The following ISCA1 variants were observed in gnomAD, a reference collection of about 807,000 sequenced individuals.
ISCA1 encodes the protein iron-sulfur cluster assembly 1, also known as iron-sulfur cluster assembly 1 homolog, mitochondrial.
A neutral mutation model predicts 14.7 loss-of-function variants in ISCA1; 9 were observed. That is an observed-to-expected ratio of 0.61 (90% CI 0.37 to 1.07). The LOEUF (loss-of-function observed/expected upper bound fraction) is 1.07. ISCA1 is among the 50% of genes least tolerant of loss of function. The probability of loss-of-function intolerance (pLI) is 0.01; values close to 1 mark genes in which losing one functional copy is unlikely to be tolerated. For missense variants in ISCA1, 102 were observed against 150.1 expected, an observed-to-expected ratio of 0.68 and a Z score of 1.67; for synonymous variants, 38 against 54.3, an observed-to-expected ratio of 0.70 and a Z score of 1.32.
rs145609430 is a variant in ISCA1 at position 86,274,788 on chromosome 9, C to A, written c.82-546G>T. Among the ~76,000 whole-genome samples the A allele has an allele frequency of 5.3e-4, 80 of 152,220 alleles. 1 individual carries two copies. The East Asian group carries it at 0.013, about 26-fold the overall frequency. On this transcript the variant is annotated intron_variant, in intron 1 of 3. Transcript: ENST00000375991. ...CCCAGGGTGTGCTTCTTGCACCAGT[C>A]CCACCAAATGCTCACATAGATTTTT...
chr9:86,267,524 A>G, intron 3 of ISCA1: 1 of 974,004 alleles, frequency 1.0e-6, no homozygotes, highest in Non-Finnish European at 1.2e-6. Context: ...TATTTTAGAT[A>G]GGTTTTAACA....
intron 2 of ISCA1, among the ~76,000 whole-genome samples, chr9:86,273,137 A>G (rs1025754560): frequency 1.3e-5 from 2 of 152,260 alleles, no homozygotes; most frequent in East Asian, 3.8e-4. Context: ...TTGAAATTTA[A>G]TAATTTTAAA....
intron 3 of ISCA1, among the ~76,000 whole-genome samples, chr9:86,269,439 A>C (rs1008807866): frequency 6.6e-6 from 1 of 152,128 alleles, no homozygotes; most frequent in Non-Finnish European, 1.5e-5. Context: ...TGAAATAAAA[A>C]AGGATACAAA....
At chr9:86,276,863 T>G (rs1825443716) in intron 1 of ISCA1, among the ~76,000 whole-genome samples, 1 of 104,766 alleles carries the variant, frequency 9.5e-6, no homozygotes, top group African/African-American at 4.3e-5. Context: ...AGAGTGAGAC[T>G]CTGTCTCAAA....
chr9:86,272,231 ACAGGG>A, intron 2 of ISCA1, 119 bp from the exon 3 acceptor site: 1 of 693,344 alleles, frequency 1.4e-6, no homozygotes, highest in South Asian at 1.6e-5. Context: ...TTTTTGTAGG[ACAGGG>A]TCTCACTATG....
chr9:86,272,155 C>T (rs768789590), intron 2 of ISCA1, 43 bp from the exon 3 acceptor site: 21 of 1,141,632 alleles, frequency 1.8e-5, no homozygotes, highest in Non-Finnish European at 2.5e-5. Flanking sequence ...TAAAGTAGTA[C>T]AGATTAAACA....
chr9:86,272,216 C>G (rs963900503), intron 2 of ISCA1, 104 bp from the exon 3 acceptor site: 1 of 748,398 alleles, frequency 1.3e-6, no homozygotes. Flanking sequence ...TGGACTTTCT[C>G]TTATTTTTTG....
chr9:86,275,754 G>T (rs1825433364), intron 1 of ISCA1, among the ~76,000 whole-genome samples: 1 of 152,190 alleles, frequency 6.6e-6, no homozygotes. Flanking sequence ...CCATGGTTCT[G>T]TCAGAAAAGG....
intron 3 of ISCA1, among the ~76,000 whole-genome samples, chr9:86,271,393 T>C (rs1459475406): frequency 6.6e-6 from 1 of 152,212 alleles, no homozygotes; most frequent in African/African-American, 2.4e-5. Context: ...TCAGAATGTA[T>C]CTCCAATGTT....
intron 3 of ISCA1, among the ~76,000 whole-genome samples, chr9:86,269,760 C>A (rs534976712): frequency 6.5e-4 from 99 of 151,244 alleles, no homozygotes; most frequent in South Asian, 5.0e-3. Flanking sequence ...ATCAATGGAA[C>A]AGAACAGAGC....
chr9:86,271,221 G>A (rs910942457), intron 3 of ISCA1, among the ~76,000 whole-genome samples: 2 of 152,124 alleles, frequency 1.3e-5, no homozygotes, highest in Non-Finnish European at 2.9e-5. Flanking sequence ...CAGGTTTGTA[G>A]CCTAGGAGCA....
intron 2 of ISCA1, 86 bp from the exon 3 acceptor site, chr9:86,272,198 T>C: frequency 1.2e-6 from 1 of 816,200 alleles, no homozygotes; most frequent in Non-Finnish European, 2.1e-6. Context: ...AGCCTCCTCG[T>C]ACCAAAATGG....
intron 3 of ISCA1, chr9:86,267,578 T>C: frequency 1.1e-6 from 1 of 880,500 alleles, no homozygotes. Context: ...TATAATTAAT[T>C]TTAATTATAA....
chr9:86,278,635 A>C (rs1266630246), intron 1 of ISCA1, among the ~76,000 whole-genome samples: 1 of 152,238 alleles, frequency 6.6e-6, no homozygotes. Context: ...ATGCCACTGC[A>C]TATGAGCCTG....
Position 86,282,478 on chromosome 9 carries a change from C to G in ISCA1, c.-20G>C, listed in dbSNP as rs779947873. ...CGACATCTTCGCCGTCCCGGCGCCC[C>G]GGTGCCTCGGGCCGAAGGTCGGCCG... On this transcript the variant is annotated 5_prime_UTR_variant, in exon 1 of 4. Transcript: ENST00000375991. 27 of 1,550,568 alleles carry G rather than the reference C, an allele frequency of 1.7e-5. No homozygotes were observed. Among genetic ancestry groups the G allele is most frequent in the Admixed American group, 5.9e-5 (3 of 51,052 alleles).
chr9:86,278,171 T>C (rs1395615568), intron 1 of ISCA1, among the ~76,000 whole-genome samples: 1 of 152,224 alleles, frequency 6.6e-6, no homozygotes, highest in East Asian at 1.9e-4. Context: ...AATGTCAACA[T>C]ATCAATTTTC....
At chr9:86,281,233 A>T (rs1825512451) in intron 1 of ISCA1, among the ~76,000 whole-genome samples, 1 of 152,236 alleles carries the variant, frequency 6.6e-6, no homozygotes, top group African/African-American at 2.4e-5. Flanking sequence ...TAATCAGTAC[A>T]CTAGTAGTAC....
intron 3 of ISCA1, among the ~76,000 whole-genome samples, chr9:86,269,931 C>A (rs1013338664): frequency 1.3e-5 from 2 of 152,038 alleles, no homozygotes; most frequent in African/African-American, 4.8e-5. Flanking sequence ...CACCTTATAC[C>A]AAAATTAATT....
At chr9:86,272,194 C>A in intron 2 of ISCA1, 82 bp from the exon 3 acceptor site, 1 of 842,620 alleles carries the variant, frequency 1.2e-6, no homozygotes. Context: ...CAGTAGCCTC[C>A]TCGTACCAAA....
Sources: gnomAD v4.1 joint callset for allele counts (sites outside exome capture counted in the v4.1 genomes callset) on GRCh38, gnomAD v4.1.1 for gene constraint, MANE v1.5 for transcripts, NCBI Gene and HGNC (gene_info 2026-07-23, HGNC 2026-07-21) for gene names.